RALGPS2: variants seen among roughly 807,000 people sequenced by gnomAD.
The protein encoded by RALGPS2 is Ral GEF with PH domain and SH3 binding motif 2, also known as ras-specific guanine nucleotide-releasing factor RalGPS2.
RALGPS2 carries 43 observed loss-of-function variants against 86.8 expected under a neutral mutation model. That is an observed-to-expected ratio of 0.50 (90% CI 0.39 to 0.64). The LOEUF (loss-of-function observed/expected upper bound fraction) is 0.64, where lower values mean the gene tolerates loss of function less well. RALGPS2 is among the 30% of genes least tolerant of loss of function. The probability of loss-of-function intolerance (pLI) is 0.00; values close to 1 mark genes in which losing one functional copy is unlikely to be tolerated. For synonymous variants in RALGPS2, 243 were observed against 231.3 expected (o/e 1.05, Z -0.46); for missense variants, 536 against 694.6 (o/e 0.77, Z 2.57).
chr1:178,832,385 T>C (rs1656067416), intron 7 of RALGPS2, among the ~76,000 whole-genome samples: 3 of 151,902 alleles, frequency 2.0e-5, no homozygotes, highest in Non-Finnish European at 4.4e-5. Context: ...CTAGAAAGAG[T>C]AGTGGATTAG....
rs1277723604 is a variant in RALGPS2, at chr1:178,885,984, G to T, written c.1056G>T (p.Met352Ile). The T allele has an allele frequency of 1.9e-6, 3 of 1,593,146 alleles. No homozygotes were observed. In the East Asian group the frequency reaches 6.7e-5, roughly 36 times the overall value. The stretch of plus-strand genomic sequence containing the variant: ...CTGTTTCTAGTTTCATTCATAAAAT[G>T]AACACAGCAGAATTTAAGAGTGCAA... ...HSLGYNFIHK[M>I]NTAEFKSATF... The change falls in exon 13 of 20, where the codon ATG becomes ATT. Residue 352 changes from methionine to isoleucine, a missense_variant. By Grantham distance (10) the Met-to-Ile change is conservative (BLOSUM62 1). Around this residue, in one of 3 missense-constraint regions of RALGPS2, gnomAD observed 309 missense variants for 363.0 expected, o/e 0.85. Coordinates refer to ENST00000367635, the MANE Select transcript of RALGPS2 (RefSeq NM_152663.5).
intron 19 of RALGPS2, among the ~76,000 whole-genome samples, chr1:178,908,414 A>C (rs914556402): frequency 2.0e-5 from 3 of 152,158 alleles, no homozygotes; most frequent in African/African-American, 7.2e-5. Context: ...TCTTTTTGGT[A>C]GAACAATTTA....
At chr1:178,826,690 T>G (rs1184805554) in intron 7 of RALGPS2, among the ~76,000 whole-genome samples, 1 of 152,182 alleles carries the variant, frequency 6.6e-6, no homozygotes, top group Non-Finnish European at 1.5e-5. Context: ...TACGTATATA[T>G]TTTACCACAG....
intron 8 of RALGPS2, among the ~76,000 whole-genome samples, chr1:178,839,953 A>C (rs12751156): frequency 5.3e-5 from 8 of 152,004 alleles, no homozygotes; most frequent in Admixed American, 6.6e-5. Context: ...AGAGCTAACT[A>C]TCCTAAATAT....
intron 19 of RALGPS2, among the ~76,000 whole-genome samples, chr1:178,910,066 T>A (rs1385574102): frequency 6.6e-6 from 1 of 152,116 alleles, no homozygotes; most frequent in Non-Finnish European, 1.5e-5. Context: ...TCAGTTTGAG[T>A]GTTATTGGTG....
At chr1:178,912,609 A>AT (rs1268650720) in intron 19 of RALGPS2, among the ~76,000 whole-genome samples, 6 of 151,902 alleles carry the variant, frequency 3.9e-5, no homozygotes, top group South Asian at 2.1e-4. Context: ...TCCATTTAAG[A>AT]TTTTTTTCTT....
At chr1:178,814,947 T>C (rs1426391127) in intron 6 of RALGPS2, among the ~76,000 whole-genome samples, 2 of 152,260 alleles carry the variant, frequency 1.3e-5, no homozygotes, top group African/African-American at 4.8e-5. Flanking sequence ...TTGAATCTGA[T>C]AGGAGTGAAC....
At chr1:178,797,357 A>G (rs1264191685) in intron 4 of RALGPS2, among the ~76,000 whole-genome samples, 2 of 152,042 alleles carry the variant, frequency 1.3e-5, no homozygotes, top group Non-Finnish European at 2.9e-5. Context: ...CTTGAGAGGT[A>G]GAGGTGGGGC....
intron 17 of RALGPS2, among the ~76,000 whole-genome samples, chr1:178,901,702 A>G (rs1660183342): frequency 6.6e-6 from 1 of 151,672 alleles, no homozygotes; most frequent in South Asian, 2.1e-4. Context: ...AAAAAAAAGA[A>G]CTCTCTGATA....
chr1:178,789,477 T>TG (rs1327648677), intron 4 of RALGPS2, among the ~76,000 whole-genome samples: 1 of 152,248 alleles, frequency 6.6e-6, no homozygotes, highest in East Asian at 1.9e-4. Flanking sequence ...ATACAACTCC[T>TG]GGGGCTGCTA....
chr1:178,742,322 A>AT (rs1171147971), intron 1 of RALGPS2, among the ~76,000 whole-genome samples: 9 of 152,268 alleles, frequency 5.9e-5, no homozygotes, highest in Non-Finnish European at 1.2e-4. Context: ...CTATATTAAT[A>AT]TTGGACAAGA....
chr1:178,788,243 C>T (rs748347758), intron 4 of RALGPS2, among the ~76,000 whole-genome samples: 3 of 152,154 alleles, frequency 2.0e-5, no homozygotes, highest in Non-Finnish European at 4.4e-5. Context: ...CTGGACTCGT[C>T]AATTGCAATT....
chr1:178,727,717 A>T (rs913187786), intron 1 of RALGPS2, among the ~76,000 whole-genome samples: 5 of 152,142 alleles, frequency 3.3e-5, no homozygotes. Context: ...TCCTGTTGCA[A>T]CTTAAAACAC....
rs575942803 is a variant in RALGPS2, at chr1:178,913,036, C to T, written c.1723-3294C>T. Among the ~76,000 whole-genome samples the T allele has an allele frequency of 5.8e-3, 883 of 152,234 alleles. 8 individuals carry two copies. Among genetic ancestry groups the T allele is most frequent in the African/African-American group, 0.02 (820 of 41,538 alleles). ...GTGGCTCTCACCTGTAATCCCAGCA[C>T]TTTGGGAGGCCAAGGCAGGCAGATC... On this transcript the variant is annotated intron_variant, in intron 19 of 19. Coordinates refer to ENST00000367635, the MANE Select transcript of RALGPS2 (RefSeq NM_152663.5).
At chr1:178,880,846 T>C (rs148832656) in intron 10 of RALGPS2, among the ~76,000 whole-genome samples, 270 of 152,308 alleles carry the variant, frequency 1.8e-3, no homozygotes, top group African/African-American at 6.3e-3. Context: ...TTAAAGCTAG[T>C]TTTTACTTTG....
intron 7 of RALGPS2, among the ~76,000 whole-genome samples, chr1:178,824,169 G>A (rs1655638872): frequency 6.6e-6 from 1 of 152,164 alleles, no homozygotes; most frequent in Non-Finnish European, 1.5e-5. Context: ...ACCTCGGGAA[G>A]AGTGATTTCA....
intron 8 of RALGPS2, chr1:178,853,530 G>T (rs1657322378): frequency 1.6e-6 from 2 of 1,262,878 alleles, no homozygotes; most frequent in Non-Finnish European, 2.1e-6. Flanking sequence ...ATAGCATCTT[G>T]TTTCTTGCAT....
chr1:178,747,397 C>T (rs1651397389), intron 1 of RALGPS2: 1 of 1,540,404 alleles, frequency 6.5e-7, no homozygotes, highest in East Asian at 2.2e-5. Context: ...AATACGACTT[C>T]ACATCTTCTG....
chr1:178,807,567 A>G (rs1342111690), intron 4 of RALGPS2, among the ~76,000 whole-genome samples: 1 of 152,156 alleles, frequency 6.6e-6, no homozygotes, highest in Admixed American at 6.6e-5. Context: ...TTAATATACA[A>G]GTTTGTGGGC....
Sources: gnomAD v4.1 joint callset for allele counts (sites outside exome capture counted in the v4.1 genomes callset) on GRCh38, gnomAD v4.1.1 for gene constraint, gnomAD v4.1.1 regional missense constraint, MANE v1.5 for transcripts, NCBI Gene and HGNC (gene_info 2026-07-23, HGNC 2026-07-21) for gene names.